The following PLPPR1 variants were observed in gnomAD, a reference collection of about 807,000 sequenced individuals.
The protein encoded by PLPPR1 is phospholipid phosphatase-related protein type 1.
A neutral mutation model predicts 33.1 loss-of-function variants in PLPPR1; 10 were observed. The ratio of observed to expected loss-of-function variants is 0.30; its 90% CI spans 0.19 to 0.51. The LOEUF is 0.51. Ranked by LOEUF, PLPPR1 falls within the 20% of genes least tolerant of loss-of-function variation. The pLI, the probability that PLPPR1 is intolerant of heterozygous loss-of-function variation, is 0.97. For synonymous variants in PLPPR1, 151 were observed against 151.0 expected (o/e 1.00, Z 0.00); for missense variants, 304 against 408.1 (o/e 0.74, Z 2.20).
chr9:101,087,746 G>T (rs1830695912), intron 1 of PLPPR1, among the ~76,000 whole-genome samples: 1 of 152,202 alleles, frequency 6.6e-6, no homozygotes. Flanking sequence ...GAAGTGGGAA[G>T]GGAGAAATTA....
intron 4 of PLPPR1, among the ~76,000 whole-genome samples, chr9:101,288,358 T>G (rs1476627206): frequency 4.6e-5 from 7 of 152,130 alleles, no homozygotes; most frequent in Non-Finnish European, 7.4e-5. Context: ...TCCGTTTGGG[T>G]CTGTCATAAG....
intron 1 of PLPPR1, among the ~76,000 whole-genome samples, chr9:101,155,971 C>T (rs1401292156): frequency 6.6e-6 from 1 of 152,096 alleles, no homozygotes; most frequent in African/African-American, 2.4e-5. Flanking sequence ...ATAATATAGG[C>T]CTTGTCTTTA....
intron 1 of PLPPR1, among the ~76,000 whole-genome samples, chr9:101,151,101 A>G (rs1469681598): frequency 6.6e-6 from 1 of 152,170 alleles, no homozygotes; most frequent in African/African-American, 2.4e-5. Flanking sequence ...ATCTTTAAGC[A>G]AAGGTCCAGA....
At position 101,123,853 on chromosome 9, in the gene PLPPR1, C is replaced by T. The variant is rs114532245; in HGVS notation, c.-45-61597C>T. 5.3e-5 allele frequency among the ~76,000 whole-genome samples: 8 copies of T among 152,194 alleles called. No homozygotes were observed. In the South Asian group the frequency reaches 1.0e-3, roughly 20 times the overall value. On this transcript the variant is annotated intron_variant, in intron 1 of 7. Transcript: ENST00000374874. Reference sequence around the variant, plus strand: ...TATGCCCTGGGCTTAGATTATAGTGCGTCAGGGTAGCCTTCCACCTTTAGC... The same window carrying T: ...TATGCCCTGGGCTTAGATTATAGTGTGTCAGGGTAGCCTTCCACCTTTAGC...
intron 1 of PLPPR1, among the ~76,000 whole-genome samples, chr9:101,050,187 G>C (rs963036808): frequency 6.7e-6 from 1 of 149,924 alleles, no homozygotes; most frequent in African/African-American, 2.5e-5. Flanking sequence ...CACTTAGACC[G>C]GACAACTATA....
chr9:101,270,174 T>C, intron 3 of PLPPR1, 106 bp downstream of exon 3: 2 of 1,191,738 alleles, frequency 1.7e-6, no homozygotes, highest in Non-Finnish European at 2.4e-6. Context: ...CCAGCAGTTT[T>C]ATCAGTGGCA....
intron 1 of PLPPR1, among the ~76,000 whole-genome samples, chr9:101,100,609 G>A (rs1269531928): frequency 6.6e-5 from 10 of 151,884 alleles, no homozygotes; most frequent in African/African-American, 2.4e-4. Context: ...TTATATGCTA[G>A]CATTTAAGAA....
At chr9:101,237,239 G>A (rs770139398) in intron 2 of PLPPR1, among the ~76,000 whole-genome samples, 1 of 151,704 alleles carries the variant, frequency 6.6e-6, no homozygotes, top group Non-Finnish European at 1.5e-5. Context: ...AATTAGTACA[G>A]CCTCTGTGGA....
intron 1 of PLPPR1, among the ~76,000 whole-genome samples, chr9:101,179,653 T>G (rs2118704759): frequency 6.6e-6 from 1 of 152,282 alleles, no homozygotes; most frequent in East Asian, 1.9e-4. Flanking sequence ...TGTCTTTATT[T>G]GAAGATTATG....
chr9:101,062,328 A>G (rs1177430911), intron 1 of PLPPR1, among the ~76,000 whole-genome samples: 1 of 152,108 alleles, frequency 6.6e-6, no homozygotes, highest in African/African-American at 2.4e-5. Context: ...ATTTTTAAAA[A>G]TACATGTTTT....
intron 1 of PLPPR1, among the ~76,000 whole-genome samples, chr9:101,074,604 C>T (rs1195191871): frequency 6.6e-6 from 1 of 152,058 alleles, no homozygotes; most frequent in Non-Finnish European, 1.5e-5. Flanking sequence ...TATCCTTTCT[C>T]TAACTATGAC....
intron 4 of PLPPR1, among the ~76,000 whole-genome samples, chr9:101,293,386 C>G (rs1253664221): frequency 2.0e-5 from 3 of 151,872 alleles, no homozygotes; most frequent in African/African-American, 7.2e-5. Context: ...CAACATTAGA[C>G]AGATCAACGA....
intron 7 of PLPPR1, among the ~76,000 whole-genome samples, chr9:101,318,205 G>A (rs1829089823): frequency 6.6e-6 from 1 of 152,084 alleles, no homozygotes; most frequent in South Asian, 2.1e-4. Context: ...CAGGAAAGGT[G>A]GATATAAATA....
Position 101,084,683 on chromosome 9 carries a change from G to C in PLPPR1, c.-46+55581G>C, listed in dbSNP as rs116924073. 1.9e-3 allele frequency among the ~76,000 whole-genome samples: 296 copies of C among 152,266 alleles called. 1 individual carries two copies. Among genetic ancestry groups the C allele is most frequent in the Middle Eastern group, 3.4e-3 (1 of 294 alleles). Reference sequence around the variant, plus strand: ...CAGTTCTGTTCAATTTTTGATTCAAGGATTTCTTTGGGACATGGTATGTAG... The same window carrying C: ...CAGTTCTGTTCAATTTTTGATTCAACGATTTCTTTGGGACATGGTATGTAG... On this transcript the variant is annotated intron_variant, in intron 1 of 7. Transcript: ENST00000374874.
At chr9:101,080,186 T>C (rs1183545922) in intron 1 of PLPPR1, among the ~76,000 whole-genome samples, 3 of 152,210 alleles carry the variant, frequency 2.0e-5, no homozygotes, top group African/African-American at 7.2e-5. Context: ...CTGCATACTA[T>C]GGAGAGATTT....
At position 101,131,329 on chromosome 9, in the gene PLPPR1, G is replaced by A. The variant is rs139591169; in HGVS notation, c.-45-54121G>A. Among the ~76,000 whole-genome samples, 1,492 of 152,256 alleles carry A rather than the reference G, an allele frequency of 9.8e-3. 15 individuals carry two copies. Among genetic ancestry groups the A allele is most frequent in the Non-Finnish European group, 0.016 (1,080 of 68,010 alleles). On this transcript the variant is annotated intron_variant, in intron 1 of 7. Transcript: ENST00000374874. ...AATACCTGTCATATTTGAAACCTAA[G>A]CTGAGGAGGGTAGCTAAAGCAGTAT...
chr9:101,174,512 G>A (rs765180677), intron 1 of PLPPR1, among the ~76,000 whole-genome samples: 17 of 152,082 alleles, frequency 1.1e-4, no homozygotes, highest in Non-Finnish European at 2.1e-4. Flanking sequence ...CTTTTGAAGG[G>A]CATTTTTATT....
intron 2 of PLPPR1, among the ~76,000 whole-genome samples, chr9:101,218,612 A>G (rs1331979578): frequency 6.6e-6 from 1 of 152,216 alleles, no homozygotes; most frequent in African/African-American, 2.4e-5. Flanking sequence ...AAGCTTTCAA[A>G]TGGTAGCTAT....
intron 4 of PLPPR1, among the ~76,000 whole-genome samples, chr9:101,298,517 G>C (rs567578106): frequency 2.0e-5 from 3 of 152,286 alleles, no homozygotes; most frequent in East Asian, 3.9e-4. Flanking sequence ...TTGAGAACTA[G>C]AAAATCCTCG....
Sources: gnomAD v4.1 joint callset for allele counts (sites outside exome capture counted in the v4.1 genomes callset) on GRCh38, gnomAD v4.1.1 for gene constraint, MANE v1.5 for transcripts, NCBI Gene and HGNC (gene_info 2026-07-23, HGNC 2026-07-21) for gene names.